ABCC5: variants seen among roughly 807,000 people sequenced by gnomAD.
ABCC5 encodes the protein ATP-binding cassette sub-family C member 5.
ABCC5 carries 61 observed loss-of-function variants against 160.9 expected under a neutral mutation model. That is an observed-to-expected ratio of 0.38 (90% CI 0.31 to 0.47). The LOEUF (loss-of-function observed/expected upper bound fraction) is 0.47. ABCC5 is among the 20% of genes least tolerant of loss of function. The pLI is 0.99. For missense variants in ABCC5, 1,308 were observed against 1,813.3 expected, an observed-to-expected ratio of 0.72 and a Z score of 5.06; for synonymous variants, 666 against 700.6, an observed-to-expected ratio of 0.95 and a Z score of 0.78.
rs867757609 is a variant in ABCC5, at chr3:183,944,245, T to C, written c.3505-1329A>G. On this transcript the variant is annotated intron_variant, in intron 24 of 29. Transcript: ENST00000334444. Reference sequence around the variant, plus strand: ...CCTATCTCTACAAAAAATACAAAAATGAGCTGGGCCTAGTGGCGCATGCCT... The same window carrying C: ...CCTATCTCTACAAAAAATACAAAAACGAGCTGGGCCTAGTGGCGCATGCCT... Among the ~76,000 whole-genome samples the C allele has an allele frequency of 4.7e-4, 72 of 151,844 alleles. 2 individuals carry two copies. The highest frequency in any genetic ancestry group is 2.9e-4 in the Non-Finnish European group (20 of 67,978).
intron 5 of ABCC5, chr3:183,984,441 A>G (rs1719019744): frequency 4.0e-6 from 4 of 1,010,180 alleles, no homozygotes; most frequent in Non-Finnish European, 4.7e-6. Context: ...ACAGACAAAA[A>G]TGGAGGCCAG....
At chr3:184,015,891 C>T (rs1722151342) in intron 1 of ABCC5, among the ~76,000 whole-genome samples, 1 of 152,198 alleles carries the variant, frequency 6.6e-6, no homozygotes. Context: ...GAAATTCTAA[C>T]CTTCCCCTTC....
intron 2 of ABCC5, among the ~76,000 whole-genome samples, chr3:183,999,258 GA>G (rs1191459149): frequency 9.4e-4 from 131 of 140,026 alleles, no homozygotes; most frequent in South Asian, 9.1e-4. Flanking sequence ...AGCATGCCAG[GA>G]AAAAAAAAAA....
At chr3:184,009,936 G>C (rs1292749017) in intron 2 of ABCC5, 1 of 428,142 alleles carries the variant, frequency 2.3e-6, no homozygotes, top group Non-Finnish European at 4.7e-6. Context: ...CTTGCTTGAA[G>C]CTGGGAGTTC....
intron 11 of ABCC5, among the ~76,000 whole-genome samples, chr3:183,970,489 G>C (rs1717640569): frequency 6.6e-6 from 1 of 150,652 alleles, no homozygotes; most frequent in Non-Finnish European, 1.5e-5. Flanking sequence ...GTGCCACCCA[G>C]GCTGGAGTGC....
At chr3:183,959,697 G>A (rs571311688) in intron 17 of ABCC5, 36 bp downstream of exon 17, 1 of 1,455,960 alleles carries the variant, frequency 6.9e-7, no homozygotes, top group Non-Finnish European at 9.5e-7. Flanking sequence ...GATAAACTTT[G>A]ATGACAAATC....
At chr3:183,944,903 A>G (rs1217911791) in intron 24 of ABCC5, among the ~76,000 whole-genome samples, 1 of 152,070 alleles carries the variant, frequency 6.6e-6, no homozygotes, top group South Asian at 2.1e-4. Context: ...AATAATCCCC[A>G]TGTGTGAGGG....
chr3:183,934,332 TC>T (rs919670474), intron 26 of ABCC5, among the ~76,000 whole-genome samples: 7 of 152,128 alleles, frequency 4.6e-5, no homozygotes, highest in African/African-American at 1.7e-4. Flanking sequence ...TTCTCTGGGA[TC>T]CGTAACAAAC....
intron 12 of ABCC5, 70 bp downstream of exon 12, chr3:183,967,625 T>A: frequency 7.4e-7 from 1 of 1,346,860 alleles, no homozygotes; most frequent in South Asian, 1.2e-5. Flanking sequence ...TCCAGGAAAT[T>A]TGTTCGTTTT....
intron 2 of ABCC5, among the ~76,000 whole-genome samples, chr3:183,993,884 TA>T (rs1195838592): frequency 6.6e-6 from 1 of 151,886 alleles, no homozygotes; most frequent in Non-Finnish European, 1.5e-5. Flanking sequence ...CATCGAGGTC[TA>T]AAAATCACTA....
intron 17 of ABCC5, among the ~76,000 whole-genome samples, chr3:183,959,208 AAC>A: frequency 6.6e-6 from 1 of 152,298 alleles, no homozygotes; most frequent in East Asian, 1.9e-4. Flanking sequence ...GGGTTTAAGA[AAC>A]AGGATCAAGG....
Position 183,989,134 on chromosome 3 carries a change from G to A in ABCC5, c.287+92C>T, listed in dbSNP as rs1277058310. ...TGCAGTGAGCCGAGATCATGCCACT[G>A]GCGACAGAGCAAGACTCCATCTCAA... is the stretch of plus-strand genomic sequence containing the variant. On this transcript the variant is annotated intron_variant, in intron 3 of 29. Coordinates refer to ENST00000334444, the MANE Select transcript of ABCC5 (RefSeq NM_005688.4). 7 of 1,274,346 alleles carry A rather than the reference G, an allele frequency of 5.5e-6. No homozygotes were observed. In the East Asian group the frequency reaches 1.6e-4, roughly 29 times the overall value. The allele number at this position is 1,274,346 out of a possible 1,614,324, so 78.9% of individuals were successfully genotyped here.
Position 183,950,031 on chromosome 3 carries a change from C to A in ABCC5, c.3039G>T (p.Trp1013Cys), listed in dbSNP as rs1715197422. 2 of 1,613,954 alleles carry A rather than the reference C, an allele frequency of 1.2e-6. No individual in the cohort carries two copies. Among genetic ancestry groups the A allele is most frequent in the African/African-American group, 2.7e-5 (2 of 74,886 alleles). ...CAAGGGGCCCCACTGCCACAAGGAA[C>A]CACGGGAAGACTCCTGCGATCATTC... The part of the protein sequence containing the change: ...CVGMIAGVFP[W>C]FLVAVGPLVI... The change falls in exon 21 of 30, where the codon TGG becomes TGT. Residue 1013 changes from tryptophan to cysteine, a missense_variant. Transcript: ENST00000334444.
At position 183,963,621 on chromosome 3, in the gene ABCC5, A is replaced by G; in HGVS notation, c.2032-33T>C. 7 of 1,610,340 alleles carry G rather than the reference A, an allele frequency of 4.3e-6. No homozygotes were observed. Among genetic ancestry groups the G allele is most frequent in the Non-Finnish European group, 5.9e-6 (7 of 1,178,532 alleles). Reference sequence around the variant, plus strand: ...AGCCCAGAAGTGTGGTGAAGCCTCCAGCGCAAGTCCAGAACAGCGTGGAGG... The same window carrying G: ...AGCCCAGAAGTGTGGTGAAGCCTCCGGCGCAAGTCCAGAACAGCGTGGAGG... On this transcript the variant is annotated intron_variant, in intron 14 of 29. Transcript: ENST00000334444. This position sits in a 1 kb window ranked among gnomAD's most constrained non-coding sequence, Gnocchi z 4.6.
At chr3:183,966,976 T>C (rs1233145579) in intron 12 of ABCC5, among the ~76,000 whole-genome samples, 2 of 151,884 alleles carry the variant, frequency 1.3e-5, no homozygotes, top group African/African-American at 4.8e-5. Flanking sequence ...GTCAAGTTAA[T>C]TTAATTCTAA....
chr3:183,967,502 C>G lies in ABCC5; in HGVS notation c.1833+193G>C, dbSNP rs114671159. ...AGTCAGTCATCCATCAGGCGCCCAC[C>G]AGGCCTCCTTCCAGGCAGAAGGCTG... On this transcript the variant is annotated intron_variant, in intron 12 of 29. Transcript: ENST00000334444. 2.0e-3 allele frequency: 1,164 copies of G among 580,144 alleles called. 13 individuals carry two copies. The highest frequency in any genetic ancestry group is 0.019 in the African/African-American group (1,037 of 53,644). 35.9% of individuals were successfully genotyped at this position (580,144 alleles called of 1,614,324 possible).
In ABCC5 at chr3:184,014,343, T is replaced by C. The variant is rs1188430632; in HGVS notation, c.50A>G (p.Tyr17Cys). Reference protein sequence around the residue: ...GKEYIIPSPGYRSVRERTSTS... With the variant: ...GKEYIIPSPGCRSVRERTSTS... ...GCTGGTTCTCTCCCTCACACTTCTA[T>C]ACCCAGGACTGGGGATGATATACTC... is the stretch of plus-strand genomic sequence containing the variant. Residue 17 changes from tyrosine (Y) to cysteine (C), a missense_variant, in exon 2 of 30, where the codon TAT (tyrosine) becomes TGT (cysteine). By Grantham distance (194) the Tyr-to-Cys change is radical. This residue lies in a region of ABCC5 where 1,142 missense variants were observed against 1,527.1 expected (regional missense o/e 0.75). Transcript: ENST00000334444. The C allele has an allele frequency of 1.9e-6, 3 of 1,613,926 alleles. No homozygotes were observed. The highest frequency in any genetic ancestry group is 2.7e-5 in the African/African-American group (2 of 74,924).
Position 183,984,071 on chromosome 3 carries a change from G to T in ABCC5, c.592-1064C>A, listed in dbSNP as rs1413759860. ...ACGGAGTAGATTCTCTAGGAAAAAAGACCTTGCTGCTAAGGAAAGAGAATT... is the reference window on the plus strand; with the variant it reads ...ACGGAGTAGATTCTCTAGGAAAAAATACCTTGCTGCTAAGGAAAGAGAATT... On this transcript the variant is annotated intron_variant, in intron 5 of 29. Coordinates refer to ENST00000334444, the MANE Select transcript of ABCC5 (RefSeq NM_005688.4). The T allele has an allele frequency of 3.0e-6, 3 of 985,274 alleles. No individual in the cohort carries two copies. The East Asian group carries it at 3.4e-4, about 112-fold the overall frequency. 61.0% of individuals were successfully genotyped at this position (985,274 alleles called of 1,614,324 possible). A position where few individuals can be genotyped will look rare whatever the true frequency, so the allele number is the denominator to read the frequency against.
Position 183,977,522 on chromosome 3 carries a change from A to C in ABCC5, c.1399T>G (p.Phe467Val). The C allele has an allele frequency of 6.2e-7, 1 of 1,612,286 alleles. No individual in the cohort carries two copies. The change falls in exon 10 of 30, where the codon TTT (phenylalanine) becomes GTT (valine). Residue 467 changes from phenylalanine to valine, a missense_variant. Coordinates refer to ENST00000334444, the MANE Select transcript of ABCC5 (RefSeq NM_005688.4). ...LSEASVAVDR[F>V]KSLFLMEEVH... ...CAGGGGAAGGAGCCACTTACCTTAA[A>C]TCTGTCAACAGCCACTGAGGCTTCT...
Sources: gnomAD v4.1 joint callset for allele counts (sites outside exome capture counted in the v4.1 genomes callset) on GRCh38, gnomAD v4.1.1 for gene constraint, gnomAD v4.1.1 regional missense constraint, Gnocchi (gnomAD v3.1) non-coding constraint, MANE v1.5 for transcripts, NCBI Gene and HGNC (gene_info 2026-07-23, HGNC 2026-07-21) for gene names.